PPM1H: variants seen among roughly 807,000 people sequenced by gnomAD.
The protein encoded by PPM1H is protein phosphatase, Mg2+/Mn2+ dependent 1H.
In PPM1H, 27 loss-of-function variants were observed where a neutral mutation model predicts 54.9. That is an observed-to-expected ratio of 0.49 (90% CI 0.36 to 0.68). The LOEUF is 0.68. PPM1H is among the 30% of genes least tolerant of loss of function. The pLI is 0.00. For synonymous variants in PPM1H, 305 were observed against 270.8 expected, an observed-to-expected ratio of 1.13 and a Z score of -1.24; for missense variants, 596 against 667.8, an observed-to-expected ratio of 0.89 and a Z score of 1.19.
At chr12:62,744,107 T>C (rs376449277) in intron 4 of PPM1H, among the ~76,000 whole-genome samples, 3 of 151,160 alleles carry the variant, frequency 2.0e-5, no homozygotes, top group East Asian at 3.9e-4. Flanking sequence ...CCTGAATGTC[T>C]GTCAAAAGGG....
chr12:62,808,738 C>A (rs546290109), intron 2 of PPM1H, among the ~76,000 whole-genome samples: 6 of 152,278 alleles, frequency 3.9e-5, no homozygotes, highest in African/African-American at 1.2e-4. Flanking sequence ...GAAGCCCCTA[C>A]TTCACCCTGA....
At chr12:62,886,058 G>A (rs1256770375) in intron 1 of PPM1H, among the ~76,000 whole-genome samples, 1 of 152,184 alleles carries the variant, frequency 6.6e-6, no homozygotes, top group Non-Finnish European at 1.5e-5. Context: ...AAGGCTATGT[G>A]AAAGGCTACT....
intron 1 of PPM1H, among the ~76,000 whole-genome samples, chr12:62,933,389 A>C (rs781032542): frequency 1.3e-5 from 2 of 152,052 alleles, no homozygotes; most frequent in Non-Finnish European, 1.5e-5. Context: ...GTCAGCATCA[A>C]GGCGCCCAGG....
At chr12:62,826,615 A>C (rs2120837046) in intron 2 of PPM1H, among the ~76,000 whole-genome samples, 1 of 152,326 alleles carries the variant, frequency 6.6e-6, no homozygotes, top group African/African-American at 2.4e-5. Context: ...ATTTCATGTT[A>C]TTTTATTAAA....
intron 4 of PPM1H, among the ~76,000 whole-genome samples, chr12:62,772,767 A>G (rs1208621626): frequency 6.6e-6 from 1 of 152,182 alleles, no homozygotes; most frequent in Non-Finnish European, 1.5e-5. Context: ...GATTAGAGAC[A>G]GGAAACTGAT....
intron 1 of PPM1H, among the ~76,000 whole-genome samples, chr12:62,918,549 CT>C (rs545439385): frequency 2.7e-4 from 41 of 152,256 alleles, no homozygotes; most frequent in Middle Eastern, 6.8e-3. Flanking sequence ...AAACATTGAT[CT>C]TTTCTAACTA....
Position 62,679,112 on chromosome 12 carries a change from G to A in PPM1H, c.1245+10587C>T, listed in dbSNP as rs142297638. ...AGTGATTCTCCTGCCTCAGCCTCCC[G>A]AGTAGCTGGGACTACAGGCACATGC... On this transcript the variant is annotated intron_variant, in intron 8 of 9. Transcript: ENST00000228705. 3.3e-3 allele frequency among the ~76,000 whole-genome samples: 507 copies of A among 151,796 alleles called. 3 individuals are homozygous for A. The highest frequency in any genetic ancestry group is 0.024 in the Middle Eastern group (7 of 292).
In PPM1H at chr12:62,708,867, C is replaced by T. The variant is rs372495862; in HGVS notation, c.1073+11304G>A. Among the ~76,000 whole-genome samples the T allele has an allele frequency of 1.7e-4, 26 of 152,062 alleles. No homozygotes were observed. In the Middle Eastern group the frequency reaches 0.017, roughly 99 times the overall value. On this transcript the variant is annotated intron_variant, in intron 6 of 9. Coordinates refer to ENST00000228705, the MANE Select transcript of PPM1H (RefSeq NM_020700.2). ...CAATAGGTAGTTTTTCAGCTCACAC[C>T]CCCTCCCTCTTCTCCTAGTAGTCCC... is the stretch of plus-strand genomic sequence containing the variant.
At chr12:62,706,668 A>G (rs1339309002) in intron 6 of PPM1H, among the ~76,000 whole-genome samples, 1 of 152,186 alleles carries the variant, frequency 6.6e-6, no homozygotes, top group African/African-American at 2.4e-5. Context: ...TCTGGGAGGA[A>G]ATAGGGGTCA....
chr12:62,715,769 C>T (rs2076231495), intron 6 of PPM1H, among the ~76,000 whole-genome samples: 3 of 152,084 alleles, frequency 2.0e-5, no homozygotes, highest in South Asian at 4.1e-4. Context: ...TCCCCAGAAC[C>T]CCCACCCCCA....
intron 2 of PPM1H, among the ~76,000 whole-genome samples, chr12:62,823,321 A>T (rs1365064480): frequency 3.9e-5 from 6 of 152,206 alleles, no homozygotes; most frequent in African/African-American, 1.2e-4. Flanking sequence ...AGGTACAAAG[A>T]GGAGCTGGTA....
intron 3 of PPM1H, among the ~76,000 whole-genome samples, chr12:62,797,439 G>A (rs2641553): frequency 0.15 from 22,347 of 152,030 alleles, 1,728 homozygotes; most frequent in South Asian, 0.2. Flanking sequence ...CACAAAACCC[G>A]CAATACCTAA....
At chr12:62,854,676 G>A (rs73135694) in intron 1 of PPM1H, among the ~76,000 whole-genome samples, 2,333 of 152,062 alleles carry the variant, frequency 0.015, 29 homozygotes, top group Non-Finnish European at 0.023. Context: ...GTAAGTAATC[G>A]CCATGAAATC....
chr12:62,884,079 A>G (rs1317765090), intron 1 of PPM1H, among the ~76,000 whole-genome samples: 1 of 152,168 alleles, frequency 6.6e-6, no homozygotes, highest in Non-Finnish European at 1.5e-5. Context: ...AATGTGACCA[A>G]ACTTGAACTC....
intron 7 of PPM1H, among the ~76,000 whole-genome samples, chr12:62,692,478 C>G (rs1432173259): frequency 6.6e-6 from 1 of 152,088 alleles, no homozygotes; most frequent in African/African-American, 2.4e-5. Context: ...CATAACTGAA[C>G]AGCTTATTTA....
At position 62,934,406 on chromosome 12, in the gene PPM1H, C is replaced by G; in HGVS notation, c.245+86G>C. ...CGGCAGCTAGTGAGAGCCCTGAGGC[C>G]GAGAAGCAGGGAGAGAAGAGGGCTG... On this transcript the variant is annotated intron_variant, in intron 1 of 9. Coordinates refer to ENST00000228705, the MANE Select transcript of PPM1H (RefSeq NM_020700.2). The surrounding 1 kb of genome is among the most constrained non-coding windows in gnomAD (Gnocchi z 4.2). The G allele has an allele frequency of 7.1e-7, 1 of 1,402,886 alleles. No homozygotes were observed. The highest frequency in any genetic ancestry group is 9.3e-7 in the Non-Finnish European group (1 of 1,077,604). 86.9% of individuals were successfully genotyped at this position (1,402,886 alleles called of 1,614,324 possible).
chr12:62,693,914 C>A, intron 7 of PPM1H, 22 bp downstream of exon 7: 1 of 1,606,252 alleles, frequency 6.2e-7, no homozygotes, highest in East Asian at 2.2e-5. Context: ...CCTCTCTACC[C>A]AGGGGAAGCA....
chr12:62,813,993 T>C (rs959385329), intron 2 of PPM1H, among the ~76,000 whole-genome samples: 14 of 152,282 alleles, frequency 9.2e-5, no homozygotes, highest in African/African-American at 3.1e-4. Flanking sequence ...TGTATCTTTA[T>C]AGTTTTAAAA....
chr12:62,853,431 C>A (rs1869267738), intron 1 of PPM1H, among the ~76,000 whole-genome samples: 1 of 151,390 alleles, frequency 6.6e-6, no homozygotes, highest in South Asian at 2.1e-4. Context: ...TTTACAGATG[C>A]ATAAAATAAA....
Sources: gnomAD v4.1 joint callset for allele counts (sites outside exome capture counted in the v4.1 genomes callset) on GRCh38, gnomAD v4.1.1 for gene constraint, Gnocchi (gnomAD v3.1) non-coding constraint, MANE v1.5 for transcripts, NCBI Gene and HGNC (gene_info 2026-07-23, HGNC 2026-07-21) for gene names.